The following BPGM variants were observed in gnomAD, a reference collection of about 807,000 sequenced individuals.
BPGM encodes 2,3-bisphosphoglycerate mutase, erythrocyte.
BPGM carries 15 observed loss-of-function variants against 21.6 expected under a neutral mutation model. That is an observed-to-expected ratio of 0.70 (90% CI 0.47 to 1.07). The LOEUF (loss-of-function observed/expected upper bound fraction) is 1.07. Among genes scored for constraint, BPGM ranks in the 50% least tolerant of loss-of-function variants. The probability of loss-of-function intolerance (pLI) is 0.00; values close to 1 mark genes in which losing one functional copy is unlikely to be tolerated. For missense variants in BPGM, 273 were observed against 319.0 expected, an observed-to-expected ratio of 0.86 and a Z score of 1.10; for synonymous variants, 113 against 116.2, an observed-to-expected ratio of 0.97 and a Z score of 0.18.
At chr7:134,671,067 G>C (rs1795895721) in intron 2 of BPGM, among the ~76,000 whole-genome samples, 1 of 151,916 alleles carries the variant, frequency 6.6e-6, no homozygotes, top group Non-Finnish European at 1.5e-5. Context: ...TCTTGGTAAG[G>C]TCATAGGAGA....
At chr7:134,659,322 C>A (rs1795691298) in intron 1 of BPGM, among the ~76,000 whole-genome samples, 1 of 151,454 alleles carries the variant, frequency 6.6e-6, no homozygotes, top group South Asian at 2.1e-4. Context: ...TAAAGAAACA[C>A]TGCAAAAATA....
chr7:134,650,782 G>C (rs1245965740), intron 1 of BPGM, among the ~76,000 whole-genome samples: 1 of 152,148 alleles, frequency 6.6e-6, no homozygotes, highest in Non-Finnish European at 1.5e-5. Context: ...AAAATTAGCC[G>C]GGCGTGGTGA....
chr7:134,678,489 C>A (rs1278308610), intron 2 of BPGM, among the ~76,000 whole-genome samples: 2 of 152,206 alleles, frequency 1.3e-5, no homozygotes, highest in Non-Finnish European at 2.9e-5. Context: ...AGGAGAAATA[C>A]AGCCAATGCT....
chr7:134,648,914 A>T (rs1019960391), intron 1 of BPGM, among the ~76,000 whole-genome samples: 5 of 152,124 alleles, frequency 3.3e-5, no homozygotes, highest in African/African-American at 1.2e-4. Context: ...GCAGAATCTC[A>T]TTGCAGTAAA....
chr7:134,648,889 A>G (rs1795511976), intron 1 of BPGM, among the ~76,000 whole-genome samples: 1 of 152,234 alleles, frequency 6.6e-6, no homozygotes, highest in Non-Finnish European at 1.5e-5. Flanking sequence ...TAAAGTAAAA[A>G]TTATTAGTAT....
Position 134,679,260 on chromosome 7 carries a change from C to A in BPGM, c.*229C>A. ...TTCTTGCTAGCCCCCTAGTCGGTCA[C>A]CAAACTAGTAACTAGTGGGGCTTAA... On this transcript the variant is annotated 3_prime_UTR_variant, in exon 3 of 3. Transcript: ENST00000344924. 1.8e-6 allele frequency: 1 copy of A among 544,256 alleles called. No homozygotes were observed. Among genetic ancestry groups the A allele is most frequent in the Non-Finnish European group, 3.3e-6 (1 of 305,548 alleles). The allele number at this position is 544,256 out of a possible 1,614,324, so 33.7% of individuals were successfully genotyped here. A position where few individuals can be genotyped will look rare whatever the true frequency, so the allele number is the denominator to read the frequency against.
At chr7:134,672,624 G>C (rs1261826073) in intron 2 of BPGM, among the ~76,000 whole-genome samples, 1 of 152,110 alleles carries the variant, frequency 6.6e-6, no homozygotes, top group Non-Finnish European at 1.5e-5. Context: ...ATATGGATTT[G>C]AACTGCATAG....
intron 2 of BPGM, among the ~76,000 whole-genome samples, chr7:134,663,140 G>C (rs186968681): frequency 6.6e-6 from 1 of 152,176 alleles, no homozygotes; most frequent in African/African-American, 2.4e-5. Context: ...TTTTCTATAA[G>C]AGGCTGTGAC....
intron 1 of BPGM, among the ~76,000 whole-genome samples, chr7:134,657,925 G>C (rs1440590564): frequency 2.0e-5 from 3 of 152,086 alleles, no homozygotes; most frequent in Non-Finnish European, 2.9e-5. Flanking sequence ...CGTCTCCTGG[G>C]GTATAGTGGC....
At chr7:134,658,102 CA>C (rs1414592020) in intron 1 of BPGM, among the ~76,000 whole-genome samples, 2 of 151,880 alleles carry the variant, frequency 1.3e-5, no homozygotes, top group East Asian at 3.8e-4. Context: ...TACACGTTTT[CA>C]TTTTTTTTTT....
In BPGM at chr7:134,661,575, G is replaced by A. The variant is rs781229621; in HGVS notation, c.68G>A (p.Cys23Tyr). 1 of 1,614,180 alleles carries A rather than the reference G, an allele frequency of 6.2e-7. No homozygotes were observed. The highest frequency in any genetic ancestry group is 1.1e-5 in the South Asian group (1 of 91,086). The change falls in exon 2 of 3, where the codon TGT (cysteine) becomes TAT (tyrosine). Residue 23 changes from cysteine to tyrosine, a missense_variant. Coordinates refer to ENST00000344924, the MANE Select transcript of BPGM (RefSeq NM_001724.5). This position sits in a 1 kb window ranked among gnomAD's most constrained non-coding sequence, Gnocchi z 4.6. ...GCTTGGAATAAGGAGAACCGTTTTT[G>A]TAGCTGGGTGGATCAGAAACTCAAC... is the stretch of plus-strand genomic sequence containing the variant. The part of the protein sequence containing the change: ...EGAWNKENRF[C>Y]SWVDQKLNSE...
intron 1 of BPGM, among the ~76,000 whole-genome samples, chr7:134,651,288 T>A (rs2131413914): frequency 6.6e-6 from 1 of 152,264 alleles, no homozygotes; most frequent in East Asian, 1.9e-4. Flanking sequence ...AAAACTAGGT[T>A]TTTAAGTTGG....
intron 1 of BPGM, among the ~76,000 whole-genome samples, chr7:134,659,630 T>C (rs768750347): frequency 2.0e-5 from 3 of 152,204 alleles, no homozygotes; most frequent in Non-Finnish European, 4.4e-5. Flanking sequence ...GATGCTTTAA[T>C]CTGGGTCCTG....
At chr7:134,671,014 C>A (rs1384113453) in intron 2 of BPGM, among the ~76,000 whole-genome samples, 1 of 152,114 alleles carries the variant, frequency 6.6e-6, no homozygotes, top group Non-Finnish European at 1.5e-5. Flanking sequence ...ATGTAAACAG[C>A]TTTTTGTTCA....
At chr7:134,657,593 G>A (rs1795660376) in intron 1 of BPGM, among the ~76,000 whole-genome samples, 1 of 152,146 alleles carries the variant, frequency 6.6e-6, no homozygotes, top group African/African-American at 2.4e-5. Flanking sequence ...GCAGGACGCT[G>A]CCCATCACCT....
chr7:134,664,181 A>G (rs1487460119), intron 2 of BPGM, among the ~76,000 whole-genome samples: 2 of 152,184 alleles, frequency 1.3e-5, no homozygotes, highest in Non-Finnish European at 2.9e-5. Flanking sequence ...CCATATAGCT[A>G]TATTAGCTTC....
intron 1 of BPGM, among the ~76,000 whole-genome samples, chr7:134,650,247 G>A (rs967885555): frequency 6.6e-5 from 10 of 152,350 alleles, no homozygotes; most frequent in African/African-American, 2.4e-4. Flanking sequence ...CGTCATGAGT[G>A]GGTGTTGTCC....
At chr7:134,675,544 G>A (rs1795973093) in intron 2 of BPGM, among the ~76,000 whole-genome samples, 2 of 152,174 alleles carry the variant, frequency 1.3e-5, no homozygotes, top group Admixed American at 6.5e-5. Flanking sequence ...ACACTTGTTG[G>A]AAATCAATTG....
intron 1 of BPGM, among the ~76,000 whole-genome samples, chr7:134,653,989 A>G (rs1795596564): frequency 6.6e-6 from 1 of 152,066 alleles, no homozygotes; most frequent in African/African-American, 2.4e-5. Context: ...TTTTCTGTAA[A>G]TCTAAACCTT....
Sources: gnomAD v4.1 joint callset for allele counts (sites outside exome capture counted in the v4.1 genomes callset) on GRCh38, gnomAD v4.1.1 for gene constraint, Gnocchi (gnomAD v3.1) non-coding constraint, MANE v1.5 for transcripts, NCBI Gene and HGNC (gene_info 2026-07-23, HGNC 2026-07-21) for gene names.